The following MYLK2 variants were observed in gnomAD, a reference collection of about 807,000 sequenced individuals.
MYLK2 encodes myosin light chain kinase 2.
Under a neutral mutation model 58.2 loss-of-function variants are expected in MYLK2, and 27 were observed. That is an observed-to-expected ratio of 0.46 (90% CI 0.34 to 0.64). MYLK2 has a LOEUF of 0.64. MYLK2 is among the 30% of genes least tolerant of loss of function. The pLI is 0.01. For synonymous variants in MYLK2, 310 were observed against 296.7 expected, an observed-to-expected ratio of 1.04 and a Z score of -0.46; for missense variants, 676 against 764.3, an observed-to-expected ratio of 0.88 and a Z score of 1.36.
intron 10 of MYLK2, 148 bp downstream of exon 10, chr20:31,831,289 A>G: frequency 2.5e-6 from 3 of 1,200,152 alleles, no homozygotes; most frequent in Non-Finnish European, 3.6e-6. Context: ...AGTGCTAGGG[A>G]GAACAGGAAA....
At position 31,820,472 on chromosome 20, in the gene MYLK2, A is replaced by G. The variant is rs1230814435; in HGVS notation, c.399A>G (p.Ala133=). 5.6e-6 allele frequency: 9 copies of G among 1,610,602 alleles called. No individual in the cohort carries two copies. Among genetic ancestry groups the G allele is most frequent in the African/African-American group, 5.3e-5 (4 of 74,948 alleles). Residue 133 remains alanine, a synonymous_variant, in exon 3 of 13, where the codon GCA becomes GCG. Coordinates refer to ENST00000375985, the MANE Select transcript of MYLK2 (RefSeq NM_033118.4). ...PGKPRVGKKA[A]EGQAAARRGS... Reference sequence around the variant, plus strand: ...AGCCCAGGGTGGGCAAGAAGGCAGCAGAGGGCCAAGCAGCAGCCAGGAGGG... The same window carrying G: ...AGCCCAGGGTGGGCAAGAAGGCAGCGGAGGGCCAAGCAGCAGCCAGGAGGG...
At position 31,834,121 on chromosome 20, in the gene MYLK2, C is replaced by T. The variant is rs1387754067; in HGVS notation, c.*324C>T. The T allele has an allele frequency of 1.5e-5, 6 of 395,232 alleles. No homozygotes were observed. The highest frequency in any genetic ancestry group is 8.2e-5 in the African/African-American group (4 of 48,882). 24.5% of individuals were successfully genotyped at this position (395,232 alleles called of 1,614,324 possible). On this transcript the variant is annotated 3_prime_UTR_variant, in exon 13 of 13. Transcript: ENST00000375985. ...CAGCTCCTCGTCTTTGAACTGCCGC[C>T]GCCGTGGTGACCCCTGCTTTGCCCC...
rs2062265393 is a variant in MYLK2 at position 31,823,938 on chromosome 20, G to A, written c.879-321G>A. On this transcript the variant is annotated intron_variant, in intron 5 of 12. Coordinates refer to ENST00000375985, the MANE Select transcript of MYLK2 (RefSeq NM_033118.4). The stretch of plus-strand genomic sequence containing the variant: ...ACCTCTGCAGATCCTCCCTCTGCCT[G>A]AAGGTGCCCTCCCCCAGGGCCCAGG... The A allele has an allele frequency of 4.1e-6, 4 of 985,348 alleles. No individual in the cohort carries two copies. The South Asian group carries it at 1.4e-4, about 35-fold the overall frequency. 61.0% of individuals were successfully genotyped at this position (985,348 alleles called of 1,614,324 possible). A position where few individuals can be genotyped will look rare whatever the true frequency, so the allele number is the denominator to read the frequency against.
chr20:31,822,304 A>G (rs2062255319), intron 4 of MYLK2, among the ~76,000 whole-genome samples: 1 of 152,232 alleles, frequency 6.6e-6, no homozygotes, highest in African/African-American at 2.4e-5. Flanking sequence ...TCCCTGGGCA[A>G]TGGAATTTGG....
rs6058471 is a variant in MYLK2 at position 31,832,381 on chromosome 20, A to G, written c.1710+245A>G. ...CTCTGGCTTCCCTCCTTCATTTTTC[A>G]AATATTTCTTGAGCATCTACTACTT... On this transcript the variant is annotated intron_variant, in intron 12 of 12. Transcript: ENST00000375985. Among the ~76,000 whole-genome samples, 13,062 of 152,206 alleles carry G rather than the reference A, an allele frequency of 0.086. 635 individuals are homozygous for G. Among genetic ancestry groups the G allele is most frequent in the African/African-American group, 0.14 (5,655 of 41,522 alleles).
At position 31,820,543 on chromosome 20, in the gene MYLK2, C is replaced by T. The variant is rs2062247649; in HGVS notation, c.470C>T (p.Ser157Phe). 6 of 1,600,378 alleles carry T rather than the reference C, an allele frequency of 3.7e-6. No homozygotes were observed. The highest frequency in any genetic ancestry group is 5.1e-6 in the Non-Finnish European group (6 of 1,179,952). The change falls in exon 3 of 13, where the codon TCC becomes TTC. Residue 157 changes from serine to phenylalanine, a missense_variant. By Grantham distance (155) the Ser-to-Phe change is radical (BLOSUM62 -2). This residue lies in a region of MYLK2 where 306 missense variants were observed against 296.5 expected (regional missense o/e 1.03). Transcript: ENST00000375985. The stretch of plus-strand genomic sequence containing the variant: ...AGCCCCAGCTGTCCTGCCATCATCT[C>T]CAGGTGAATATCCCCTCCTGGGAGT... Reference protein sequence around the residue: ...LHSPSCPAIISSSEKLLAKKP... With the variant: ...LHSPSCPAIIFSSEKLLAKKP...
Position 31,823,514 on chromosome 20 carries a change from C to A in MYLK2, c.810C>A (p.Arg270=), listed in dbSNP as rs756502886. Residue 270 remains arginine (R), a synonymous_variant, in exon 5 of 13, where the codon CGC becomes CGA. Coordinates refer to ENST00000375985, the MANE Select transcript of MYLK2 (RefSeq NM_033118.4). ...CACCTCCGGCCCCCTTCCCTCACCG[C>A]ATGGTGGAGCTGAGGACCGGGAATG... The part of the protein sequence containing the change: ...CPPPPAPFPH[R]MVELRTGNVS... 1 of 1,613,782 alleles carries A rather than the reference C, an allele frequency of 6.2e-7. No homozygotes were observed. The highest frequency in any genetic ancestry group is 8.5e-7 in the Non-Finnish European group (1 of 1,180,034).
In MYLK2 at chr20:31,821,502, G is replaced by A; in HGVS notation, c.537G>A (p.Val179=). Residue 179 remains valine, a synonymous_variant, in exon 4 of 13, where the codon GTG becomes GTA. Transcript: ENST00000375985. ...CATCAGAGCTCACCTTTGAAGGGGT[G>A]CCCATGACCCACAGCCCCACGGATC... ...SEASELTFEG[V]PMTHSPTDPR... 1 of 1,614,022 alleles carries A rather than the reference G, an allele frequency of 6.2e-7. No individual in the cohort carries two copies. Among genetic ancestry groups the A allele is most frequent in the Non-Finnish European group, 8.5e-7 (1 of 1,180,040 alleles).
chr20:31,820,053 G>A, intron 2 of MYLK2, 73 bp from the exon 3 acceptor site: 1 of 1,595,222 alleles, frequency 6.3e-7, no homozygotes, highest in Non-Finnish European at 8.6e-7. Flanking sequence ...GCCCAGAGCT[G>A]GTCTCTGCCC....
chr20:31,828,369 C>T (rs2062290482), intron 8 of MYLK2: 3 of 985,202 alleles, frequency 3.0e-6, no homozygotes, highest in African/African-American at 1.7e-5. Context: ...TGTGGAGGCG[C>T]GTGAGCACCC....
Position 31,821,458 on chromosome 20 carries a change from A to G in MYLK2, c.493A>G (p.Lys165Glu). 6.2e-7 allele frequency: 1 copy of G among 1,613,648 alleles called. No homozygotes were observed. The highest frequency in any genetic ancestry group is 8.5e-7 in the Non-Finnish European group (1 of 1,180,026). Residue 165 changes from lysine to glutamate, a missense_variant, in exon 4 of 13, where the codon AAG becomes GAG. Around this residue, in one of 2 missense-constraint regions of MYLK2, gnomAD observed 306 missense variants for 296.5 expected, o/e 1.03. Transcript: ENST00000375985. Reference protein sequence around the residue: ...IISSSEKLLAKKPPSEASELT... With the variant: ...IISSSEKLLAEKPPSEASELT... ...TTCTAGTTCTGAGAAGCTGCTGGCC[A>G]AGAAGCCCCCAAGCGAGGCATCAGA...
chr20:31,825,296 G>C, intron 6 of MYLK2, among the ~76,000 whole-genome samples: 1 of 152,160 alleles, frequency 6.6e-6, no homozygotes, highest in East Asian at 1.9e-4. Context: ...CCGTGTTATT[G>C]TCTCCTAGGT....
chr20:31,828,245 T>C lies in MYLK2; in HGVS notation c.1224+1307T>C, dbSNP rs188133568. On this transcript the variant is annotated intron_variant, in intron 8 of 12. Transcript: ENST00000375985. ...TCAGTTGTCCGTAGCTGTCCGGAGC[T>C]GAGTGTGGAGCTCTGGGTGTGGAGC... 1.2e-4 allele frequency: 117 copies of C among 985,356 alleles called. No individual in the cohort carries two copies. In the Admixed American group the frequency reaches 5.8e-3, roughly 49 times the overall value. 61.0% of individuals were successfully genotyped at this position (985,356 alleles called of 1,614,324 possible). A position where few individuals can be genotyped will look rare whatever the true frequency, so the allele number is the denominator to read the frequency against.
chr20:31,819,734 G>A, intron 2 of MYLK2, 102 bp downstream of exon 2: 1 of 1,379,542 alleles, frequency 7.2e-7, no homozygotes, highest in South Asian at 1.2e-5. Flanking sequence ...CCCCAGCCTT[G>A]TTTGCATGGT....
chr20:31,829,888 T>C (rs895519802), intron 8 of MYLK2, among the ~76,000 whole-genome samples: 2 of 152,208 alleles, frequency 1.3e-5, no homozygotes, highest in Non-Finnish European at 2.9e-5. Flanking sequence ...AGTAACGTCA[T>C]CCATGTGTTA....
At chr20:31,831,252 C>G in intron 10 of MYLK2, 111 bp downstream of exon 10, 2 of 1,490,342 alleles carry the variant, frequency 1.3e-6, no homozygotes, top group South Asian at 2.4e-5. Context: ...TCCCCTATCC[C>G]TCAGTCAGGG....
At chr20:31,827,088 A>C (rs917418367) in intron 8 of MYLK2, 150 bp downstream of exon 8, 1 of 1,477,184 alleles carries the variant, frequency 6.8e-7, no homozygotes. Context: ...GGTTTATGGA[A>C]TACTTACCAA....
In MYLK2 at chr20:31,830,860, G is replaced by A. The variant is rs769817298; in HGVS notation, c.1266G>A (p.Val422=). ...GTGTCAACACCACCGGGCATTTGGT[G>A]AAGATCATTGACTTTGGCCTGGCAC... ...ILCVNTTGHL[V]KIIDFGLARR... Residue 422 remains valine, a synonymous_variant, in exon 9 of 13, where the codon GTG becomes GTA. Coordinates refer to ENST00000375985, the MANE Select transcript of MYLK2 (RefSeq NM_033118.4). The A allele has an allele frequency of 6.5e-7, 1 of 1,532,678 alleles. No homozygotes were observed. Among genetic ancestry groups the A allele is most frequent in the South Asian group, 1.1e-5 (1 of 89,876 alleles). The allele number at this position is 1,532,678 out of a possible 1,614,324, so 94.9% of individuals were successfully genotyped here.
At chr20:31,824,695 T>G in intron 6 of MYLK2, 1 of 499,404 alleles carries the variant, frequency 2.0e-6, no homozygotes, top group Non-Finnish European at 2.6e-6. Flanking sequence ...GAAGTGGGTG[T>G]GGTCTCCACC....
Sources: allele counts gnomAD v4.1 joint callset (sites outside exome capture counted in the v4.1 genomes callset), GRCh38; gene constraint gnomAD v4.1.1; regional missense constraint gnomAD v4.1.1; transcripts MANE v1.5; gene names NCBI Gene and HGNC (gene_info 2026-07-23, HGNC 2026-07-21).